Variants in ARAP2 observed in about 807,000 individuals in gnomAD.
ARAP2 encodes the protein arf-GAP with Rho-GAP domain, ANK repeat and PH domain-containing protein 2.
Under a neutral mutation model 194.5 loss-of-function variants are expected in ARAP2, and 148 were observed. The ratio of observed to expected loss-of-function variants is 0.76; its 90% confidence interval spans 0.67 to 0.87. The LOEUF (loss-of-function observed/expected upper bound fraction) is 0.87. Ranked by LOEUF, ARAP2 falls within the 40% of genes least tolerant of loss-of-function variation. ARAP2 has a pLI of 0.00. For missense variants in ARAP2, 2,128 were observed against 1,989.7 expected (o/e 1.07, Z -1.32); for synonymous variants, 695 against 683.5 (o/e 1.02, Z -0.26).
chr4:36,059,286 T>C (rs1204905325), intron 1 of ARAP2, among the ~76,000 whole-genome samples: 3 of 152,208 alleles, frequency 2.0e-5, no homozygotes, highest in Admixed American at 1.3e-4. Flanking sequence ...TCACTCTGTC[T>C]TTTGCTTCCT....
intron 27 of ARAP2, among the ~76,000 whole-genome samples, chr4:36,095,049 T>G (rs1714793306): frequency 6.6e-6 from 1 of 152,188 alleles, no homozygotes; most frequent in Admixed American, 6.6e-5. Context: ...TCATCTATTT[T>G]TGGATTAATT....
In ARAP2 at chr4:36,159,330, C is replaced by A; in HGVS notation, c.2617+1G>T. ...AGGTTAATGAAGAGACAGTGACGAA[C>A]CTGAGAATTTGTTATGGTAGAGAAA... On this transcript the variant is annotated splice_donor_variant, in intron 14 of 32. Transcript: ENST00000303965. LOFTEE classifies it high-confidence loss of function. 6.3e-7 allele frequency: 1 copy of A among 1,594,802 alleles called. No homozygotes were observed. The highest frequency in any genetic ancestry group is 8.6e-7 in the Non-Finnish European group (1 of 1,168,492).
At position 36,117,041 on chromosome 4, in the gene ARAP2, C is replaced by A. The variant is rs1454552854; in HGVS notation, c.4038+20G>T. 6.6e-7 allele frequency: 1 copy of A among 1,524,636 alleles called. No homozygotes were observed. Among genetic ancestry groups the A allele is most frequent in the Non-Finnish European group, 8.8e-7 (1 of 1,130,718 alleles). The allele number at this position is 1,524,636 out of a possible 1,614,324, so 94.4% of individuals were successfully genotyped here. ...TTGTGACTTCCAACAGTCCTCTTTA[C>A]ATCCACCTTTAGAACTTACCCGAAT... is the stretch of plus-strand genomic sequence containing the variant. On this transcript the variant is annotated intron_variant, in intron 25 of 32. Coordinates refer to ENST00000303965, the MANE Select transcript of ARAP2 (RefSeq NM_015230.4).
chr4:36,161,170 C>CAT (rs1286540930), intron 12 of ARAP2, among the ~76,000 whole-genome samples: 195 of 148,630 alleles, frequency 1.3e-3, no homozygotes, highest in African/African-American at 4.6e-3. Flanking sequence ...CACACACACA[C>CAT]ACACACACAC....
intron 1 of ARAP2, among the ~76,000 whole-genome samples, chr4:36,234,839 C>T (rs1293123716): frequency 6.6e-6 from 1 of 152,132 alleles, no homozygotes; most frequent in Non-Finnish European, 1.5e-5. Flanking sequence ...ATATAAGCTA[C>T]ACAATAAATA....
intron 21 of ARAP2, 96 bp downstream of exon 21, chr4:36,128,437 C>T: frequency 3.3e-6 from 3 of 907,314 alleles, no homozygotes; most frequent in Middle Eastern, 2.6e-4. Context: ...TGTTTAAAGT[C>T]TAAGTATTAA....
intron 15 of ARAP2, 35 bp downstream of exon 15, chr4:36,158,695 T>A (rs1252118736): frequency 6.5e-7 from 1 of 1,528,432 alleles, no homozygotes; most frequent in Non-Finnish European, 8.9e-7. Context: ...ATAAAGTTTT[T>A]ATCTGATAAT....
intron 6 of ARAP2, among the ~76,000 whole-genome samples, chr4:36,206,890 C>T (rs1407427124): frequency 2.0e-5 from 3 of 152,102 alleles, no homozygotes; most frequent in African/African-American, 7.2e-5. Context: ...GGAATTTCCC[C>T]AAGTAAGAAA....
rs975990684 is a variant in ARAP2, at chr4:36,196,196, G to A, written c.1488-2549C>T. Among the ~76,000 whole-genome samples the A allele has an allele frequency of 5.3e-5, 8 of 152,206 alleles. No homozygotes were observed. The East Asian group carries it at 1.2e-3, about 22-fold the overall frequency. ...CATGTCTTACTTAAGATTAACTGCA[G>A]CCACTCCAACACTTAAAACTTTCTT... is the stretch of plus-strand genomic sequence containing the variant. On this transcript the variant is annotated intron_variant, in intron 6 of 32. Coordinates refer to ENST00000303965, the MANE Select transcript of ARAP2 (RefSeq NM_015230.4).
At chr4:36,161,146 A>AACACACACACACAC (rs36207295) in intron 12 of ARAP2, among the ~76,000 whole-genome samples, 4 of 147,876 alleles carry the variant, frequency 2.7e-5, no homozygotes, top group Non-Finnish European at 4.5e-5. Context: ...CACACACACA[A>AACACACACACACAC]ACACACACAC....
chr4:36,042,564 T>C (rs945014771), intron 5 of ARAP2, among the ~76,000 whole-genome samples: 5 of 152,238 alleles, frequency 3.3e-5, no homozygotes, highest in African/African-American at 1.2e-4. Flanking sequence ...AGATCATTCT[T>C]GACTGTAAAA....
rs368660994 is a variant in ARAP2, at chr4:36,116,285, G to A, written c.4038+776C>T. On this transcript the variant is annotated intron_variant, in intron 25 of 32. Transcript: ENST00000303965. Reference sequence around the variant, plus strand: ...CTTAAGTCCAAATATATCTAATGTTGTGACTGTTTAATCCTGGACTTTAAA... The same window carrying A: ...CTTAAGTCCAAATATATCTAATGTTATGACTGTTTAATCCTGGACTTTAAA... 2.0e-5 allele frequency among the ~76,000 whole-genome samples: 3 copies of A among 151,674 alleles called. No individual in the cohort carries two copies. In the East Asian group the frequency reaches 5.8e-4, roughly 29 times the overall value.
chr4:36,031,077 C>T (rs370415901), intron 5 of ARAP2, among the ~76,000 whole-genome samples: 1 of 152,144 alleles, frequency 6.6e-6, no homozygotes, highest in Non-Finnish European at 1.5e-5. Flanking sequence ...TTGCAGTGAG[C>T]CAAGATCGTG....
rs1713767409 is a variant in ARAP2, at chr4:36,091,911, A to G, written c.4395T>C (p.Asp1465=). The change falls in exon 28 of 33, where the codon GAT becomes GAC. Residue 1465 remains aspartate (D), a synonymous_variant. Transcript: ENST00000303965. ...CATCCTTGTAAAGAAAGAGAAACCC[A>G]TCTCGTAAAACAAAATACCGGTCTT... ...KFQDRYFVLR[D]GFLFLYKDVK... is the part of the protein sequence containing the mutation. 1.2e-6 allele frequency: 2 copies of G among 1,606,448 alleles called. No homozygotes were observed.
At chr4:36,153,571 A>G (rs984282574) in intron 15 of ARAP2, among the ~76,000 whole-genome samples, 1 of 152,230 alleles carries the variant, frequency 6.6e-6, no homozygotes, top group Non-Finnish European at 1.5e-5. Flanking sequence ...GGGATTATTC[A>G]TTCTTTCAAT....
At chr4:36,182,805 G>T (rs1176788757) in intron 8 of ARAP2, among the ~76,000 whole-genome samples, 3 of 152,194 alleles carry the variant, frequency 2.0e-5, no homozygotes, top group Non-Finnish European at 2.9e-5. Context: ...TATTTGCTGA[G>T]ATGAGGAAGA....
intron 28 of ARAP2, among the ~76,000 whole-genome samples, chr4:36,090,049 A>ATT (rs1713147064): frequency 6.7e-6 from 1 of 149,838 alleles, no homozygotes; most frequent in East Asian, 1.9e-4. Flanking sequence ...TATTTGATAA[A>ATT]CACAATCAGA....
chr4:36,091,345 T>C (rs1713592319), intron 28 of ARAP2, among the ~76,000 whole-genome samples: 1 of 152,146 alleles, frequency 6.6e-6, no homozygotes, highest in East Asian at 1.9e-4. Context: ...TTTATATCTC[T>C]AATTCTCTTA....
chr4:36,080,612 A>G (rs1377205889), intron 30 of ARAP2, among the ~76,000 whole-genome samples: 1 of 152,186 alleles, frequency 6.6e-6, no homozygotes, highest in East Asian at 1.9e-4. Flanking sequence ...ACTGTATTCC[A>G]CTAAAATTCT....
Sources: allele counts gnomAD v4.1 joint callset (sites outside exome capture counted in the v4.1 genomes callset), GRCh38; gene constraint gnomAD v4.1.1; transcripts MANE v1.5; gene names NCBI Gene and HGNC (gene_info 2026-07-23, HGNC 2026-07-21).